ALDH1A2: variants seen among roughly 807,000 people sequenced by gnomAD.
ALDH1A2 encodes the protein retinal dehydrogenase 2.
ALDH1A2 carries 27 observed loss-of-function variants against 60.3 expected under a neutral mutation model. The observed-to-expected ratio is 0.45, with a 90% CI of 0.33 to 0.62. The LOEUF is 0.62. ALDH1A2 is among the 20% of genes least tolerant of loss of function. The probability of loss-of-function intolerance (pLI) is 0.02; values close to 1 mark genes in which losing one functional copy is unlikely to be tolerated. For synonymous variants in ALDH1A2, 289 were observed against 232.4 expected (o/e 1.24, Z -2.21); for missense variants, 581 against 643.8 (o/e 0.90, Z 1.06).
intron 4 of ALDH1A2, among the ~76,000 whole-genome samples, chr15:58,000,085 A>G (rs939191787): frequency 6.6e-6 from 1 of 151,906 alleles, no homozygotes; most frequent in Admixed American, 6.6e-5. Flanking sequence ...GAATATCAAG[A>G]TAAATAGCTA....
In ALDH1A2 at chr15:58,065,507, G is replaced by A. The variant is rs772395987; in HGVS notation, c.117+27C>T. 1.1e-5 allele frequency: 17 copies of A among 1,570,478 alleles called. No individual in the cohort carries two copies. In the South Asian group the frequency reaches 1.6e-4, roughly 14 times the overall value. On this transcript the variant is annotated intron_variant, in intron 1 of 12. Transcript: ENST00000249750. The stretch of plus-strand genomic sequence containing the variant: ...AAGAAGGTTCTAGAAAGTCTCCGTG[G>A]ACGACGGGCGCTGGGCGGCCGCTTA...
intron 1 of ALDH1A2, among the ~76,000 whole-genome samples, chr15:58,049,534 C>G (rs1337962234): frequency 1.3e-5 from 2 of 152,052 alleles, no homozygotes; most frequent in Non-Finnish European, 2.9e-5. Flanking sequence ...GCTAGTCACT[C>G]CTTGTTCTGT....
intron 1 of ALDH1A2, among the ~76,000 whole-genome samples, chr15:58,019,611 A>C (rs887077449): frequency 2.0e-5 from 3 of 152,208 alleles, no homozygotes; most frequent in African/African-American, 4.8e-5. Context: ...CCATAAAAGA[A>C]GGCACCTATC....
intron 3 of ALDH1A2, among the ~76,000 whole-genome samples, chr15:58,011,489 G>A (rs986071446): frequency 3.3e-5 from 5 of 152,246 alleles, no homozygotes; most frequent in African/African-American, 7.2e-5. Flanking sequence ...CAATGAACAC[G>A]CTGAAATGAG....
intron 1 of ALDH1A2, among the ~76,000 whole-genome samples, chr15:58,057,830 C>T (rs1335089428): frequency 6.6e-6 from 1 of 151,902 alleles, no homozygotes; most frequent in Non-Finnish European, 1.5e-5. Flanking sequence ...ACACAAAAGG[C>T]CTTAATAAAT....
intron 5 of ALDH1A2, among the ~76,000 whole-genome samples, chr15:57,994,641 T>C (rs1894993436): frequency 6.6e-6 from 1 of 152,134 alleles, no homozygotes; most frequent in Non-Finnish European, 1.5e-5. Context: ...GTGTCTTCTG[T>C]AGCATCTTCT....
intron 1 of ALDH1A2, among the ~76,000 whole-genome samples, chr15:58,038,290 A>T (rs190920356): frequency 6.6e-6 from 1 of 151,564 alleles, no homozygotes; most frequent in South Asian, 2.1e-4. Flanking sequence ...GTATCTTCCT[A>T]TCTCTAGGAG....
rs74540960 is a variant in ALDH1A2 at position 58,034,939 on chromosome 15, C to T, written c.118-20658G>A. ...GTAATAGTTTGTAGTATTCCATTCT[C>T]GTAATCTCTTTATCTGGTTTTGATA... On this transcript the variant is annotated intron_variant, in intron 1 of 12. Transcript: ENST00000249750. Among the ~76,000 whole-genome samples the T allele has an allele frequency of 9.5e-3, 1,440 of 151,608 alleles. 10 individuals carry two copies. The highest frequency in any genetic ancestry group is 0.031 in the Middle Eastern group (9 of 294).
At chr15:58,022,974 A>G (rs1175010217) in intron 1 of ALDH1A2, among the ~76,000 whole-genome samples, 1 of 152,266 alleles carries the variant, frequency 6.6e-6, no homozygotes, top group African/African-American at 2.4e-5. Flanking sequence ...CCTCCAAAGG[A>G]ACACCATACT....
intron 4 of ALDH1A2, among the ~76,000 whole-genome samples, chr15:57,996,395 C>T (rs1458769194): frequency 6.6e-6 from 1 of 151,646 alleles, no homozygotes; most frequent in Non-Finnish European, 1.5e-5. Context: ...TCTGTTTCCT[C>T]TTTTCAAGGA....
At chr15:57,991,547 C>A (rs1340340193) in intron 7 of ALDH1A2, 1 of 152,062 alleles carries the variant, frequency 6.6e-6, no homozygotes, top group Non-Finnish European at 1.5e-5. Flanking sequence ...TACGGTAGCA[C>A]GCATGGCAAT....
chr15:58,049,596 C>G (rs1273474390), intron 1 of ALDH1A2, among the ~76,000 whole-genome samples: 1 of 152,052 alleles, frequency 6.6e-6, no homozygotes. Flanking sequence ...CTTTGCTAAA[C>G]CAGCAGAGAC....
At chr15:57,987,546 A>G (rs1894744520) in intron 7 of ALDH1A2, among the ~76,000 whole-genome samples, 1 of 152,200 alleles carries the variant, frequency 6.6e-6, no homozygotes, top group Non-Finnish European at 1.5e-5. Flanking sequence ...ACAAACTGTC[A>G]CATTAGAATT....
intron 7 of ALDH1A2, among the ~76,000 whole-genome samples, chr15:57,982,275 T>C: frequency 6.6e-6 from 1 of 152,186 alleles, no homozygotes; most frequent in East Asian, 1.9e-4. Flanking sequence ...AATAATAACA[T>C]GTAATGTGAA....
chr15:57,967,750 T>A (rs1338093395), intron 7 of ALDH1A2, among the ~76,000 whole-genome samples: 1 of 152,116 alleles, frequency 6.6e-6, no homozygotes, highest in Non-Finnish European at 1.5e-5. Context: ...GGCCCTGAAG[T>A]TTGATGGGTG....
At chr15:58,041,498 G>A (rs1360307320) in intron 1 of ALDH1A2, among the ~76,000 whole-genome samples, 1 of 151,868 alleles carries the variant, frequency 6.6e-6, no homozygotes, top group African/African-American at 2.4e-5. Flanking sequence ...TCATAGTCCT[G>A]GAAGCCGGGA....
intron 12 of ALDH1A2, among the ~76,000 whole-genome samples, chr15:57,958,110 A>C (rs1893593647): frequency 6.6e-6 from 1 of 152,184 alleles, no homozygotes; most frequent in African/African-American, 2.4e-5. Flanking sequence ...ATCGCAGATC[A>C]ACTAACTCAG....
At chr15:58,021,981 C>T (rs1260415699) in intron 1 of ALDH1A2, among the ~76,000 whole-genome samples, 6 of 152,172 alleles carry the variant, frequency 3.9e-5, no homozygotes, top group East Asian at 1.9e-4. Context: ...AAAACTGGGG[C>T]ATGAAAGAGG....
At chr15:58,003,863 G>T (rs1193204070) in intron 4 of ALDH1A2, among the ~76,000 whole-genome samples, 2 of 151,866 alleles carry the variant, frequency 1.3e-5, no homozygotes, top group African/African-American at 4.8e-5. Flanking sequence ...ATCATAATTA[G>T]GCACTGCCAT....
Sources: gnomAD v4.1 joint callset for allele counts (sites outside exome capture counted in the v4.1 genomes callset) on GRCh38, gnomAD v4.1.1 for gene constraint, MANE v1.5 for transcripts, NCBI Gene and HGNC (gene_info 2026-07-23, HGNC 2026-07-21) for gene names.